ITGB1: variants seen among roughly 807,000 people sequenced by gnomAD.
ITGB1 encodes the protein integrin beta-1.
Under a neutral mutation model 86.5 loss-of-function variants are expected in ITGB1, and 24 were observed. The ratio of observed to expected loss-of-function variants is 0.28; its 90% CI spans 0.20 to 0.39. The LOEUF (loss-of-function observed/expected upper bound fraction) is 0.39. Among genes scored for constraint, ITGB1 ranks in the 10% least tolerant of loss-of-function variants. ITGB1 has a pLI of 1.00. For missense variants in ITGB1, 556 were observed against 946.9 expected, an observed-to-expected ratio of 0.59 and a Z score of 5.42; for synonymous variants, 323 against 316.8, an observed-to-expected ratio of 1.02 and a Z score of -0.21.
intron 1 of ITGB1, among the ~76,000 whole-genome samples, chr10:32,948,932 A>G (rs995254175): frequency 4.2e-5 from 6 of 143,060 alleles, no homozygotes; most frequent in African/African-American, 1.2e-4. Flanking sequence ...AACTAGCAAT[A>G]TGATTTCGTT....
At chr10:32,904,286 AAAAAAAC>A (rs2094890389) in intron 15 of ITGB1, among the ~76,000 whole-genome samples, 1 of 152,160 alleles carries the variant, frequency 6.6e-6, no homozygotes, top group African/African-American at 2.4e-5. Flanking sequence ...ACCCCACCCC[AAAAAAAC>A]CCGCAGCAAG....
intron 2 of ITGB1, chr10:32,932,801 C>T (rs1231566438): frequency 6.5e-6 from 3 of 460,690 alleles, no homozygotes; most frequent in Non-Finnish European, 1.2e-5. Flanking sequence ...TAGGTGTATA[C>T]ATGTATGGGG....
At chr10:32,909,505 C>T (rs762599781) in intron 14 of ITGB1, among the ~76,000 whole-genome samples, 68 of 152,166 alleles carry the variant, frequency 4.5e-4, no homozygotes, top group African/African-American at 1.4e-3. Context: ...AAAATTAAAA[C>T]CTGTGGTGTT....
At chr10:32,930,379 T>TA (rs998317176) in intron 3 of ITGB1, among the ~76,000 whole-genome samples, 5 of 152,158 alleles carry the variant, frequency 3.3e-5, no homozygotes, top group African/African-American at 1.2e-4. Context: ...AATGTATACA[T>TA]ACACCCAAAT....
chr10:32,928,297 GCCT>G, intron 4 of ITGB1, 33 bp from the exon 5 acceptor site: 1 of 796,522 alleles, frequency 1.3e-6, no homozygotes, highest in South Asian at 1.6e-5. Flanking sequence ...AATGAAACTT[GCCT>G]GTTGGCAATC....
intron 14 of ITGB1, among the ~76,000 whole-genome samples, chr10:32,909,703 A>G (rs12220520): frequency 0.14 from 20,553 of 152,072 alleles, 1,677 homozygotes; most frequent in East Asian, 0.25. Context: ...GAGAAATGAA[A>G]GCTTATGTTC....
chr10:32,910,306 T>C lies in ITGB1; in HGVS notation c.2081A>G (p.Lys694Arg), dbSNP rs781620722. The change falls in exon 14 of 16, where the codon AAG (lysine) becomes AGG (arginine). Residue 694 changes from lysine to arginine, a missense_variant. This residue lies in a region of ITGB1 where 330 missense variants were observed against 531.5 expected (regional missense o/e 0.62). Transcript: ENST00000302278. ...QPDPVSHCKEKDVDDCWFYFT... is the reference protein window; with the variant it reads ...QPDPVSHCKERDVDDCWFYFT... ...ATAGAACCAACAGTCGTCAACATCC[T>C]TCTCCTTACAATGGGACACAGGATC... is the stretch of plus-strand genomic sequence containing the variant. The C allele has an allele frequency of 6.2e-7, 1 of 1,605,870 alleles. No individual in the cohort carries two copies. The highest frequency in any genetic ancestry group is 2.2e-5 in the East Asian group (1 of 44,812).
chr10:32,943,652 G>A (rs536823103), intron 1 of ITGB1, among the ~76,000 whole-genome samples: 1 of 152,232 alleles, frequency 6.6e-6, no homozygotes, highest in African/African-American at 2.4e-5. Context: ...TCAGAGACAG[G>A]CAGTCTTGGG....
chr10:32,938,207 C>G (rs2095008802), intron 1 of ITGB1, among the ~76,000 whole-genome samples: 1 of 152,200 alleles, frequency 6.6e-6, no homozygotes, highest in Admixed American at 6.5e-5. Context: ...GACTATAATT[C>G]TAAGCAAGTC....
In ITGB1 at chr10:32,944,886, C is replaced by T. The variant is rs111800362; in HGVS notation, c.1-9328G>A. ...CAGCATGAGGATGATAAACCAGAGA[C>T]GGTTATCAAAAGACTAAAGGCTTAT... is the stretch of plus-strand genomic sequence containing the variant. On this transcript the variant is annotated intron_variant, in intron 1 of 15. Transcript: ENST00000302278. 1.1e-4 allele frequency: 144 copies of T among 1,337,706 alleles called. 2 individuals are homozygous for T. Among genetic ancestry groups the T allele is most frequent in the Admixed American group, 8.1e-4 (47 of 57,848 alleles). The allele number at this position is 1,337,706 out of a possible 1,614,324, so 82.9% of individuals were successfully genotyped here.
chr10:32,922,490 A>T, intron 8 of ITGB1, 144 bp from the exon 9 acceptor site: 1 of 753,034 alleles, frequency 1.3e-6, no homozygotes, highest in Non-Finnish European at 2.2e-6. Context: ...AACCAGTTTT[A>T]TAATATGTGA....
intron 1 of ITGB1, among the ~76,000 whole-genome samples, chr10:32,954,455 T>TC (rs1400801822): frequency 6.6e-6 from 1 of 152,162 alleles, no homozygotes; most frequent in Non-Finnish European, 1.5e-5. Flanking sequence ...TTCTGACCAC[T>TC]CACCTTTATC....
intron 15 of ITGB1, among the ~76,000 whole-genome samples, 171 bp from the exon 16 acceptor site, chr10:32,901,806 T>C (rs1431513814): frequency 2.0e-5 from 3 of 152,216 alleles, no homozygotes; most frequent in Non-Finnish European, 2.9e-5. Context: ...TATATAAAAA[T>C]AGAAAATGGA....
intron 15 of ITGB1, chr10:32,906,916 G>T (rs554327394): frequency 8.8e-6 from 4 of 455,346 alleles, no homozygotes; most frequent in Admixed American, 3.2e-5. Context: ...TTCTAAACGC[G>T]AAGTTAACAT....
chr10:32,911,712 C>A, intron 12 of ITGB1, 42 bp from the exon 13 acceptor site: 1 of 1,592,128 alleles, frequency 6.3e-7, no homozygotes. Flanking sequence ...TAAAAATATA[C>A]AATCACAGTA....
At chr10:32,943,649 C>T (rs566166063) in intron 1 of ITGB1, among the ~76,000 whole-genome samples, 1 of 152,188 alleles carries the variant, frequency 6.6e-6, no homozygotes, top group East Asian at 1.9e-4. Context: ...ATTTCAGAGA[C>T]AGGCAGTCTT....
At chr10:32,952,576 AG>A (rs1431735282) in intron 1 of ITGB1, among the ~76,000 whole-genome samples, 4 of 152,234 alleles carry the variant, frequency 2.6e-5, no homozygotes, top group African/African-American at 9.6e-5. Context: ...CTAATTTCAT[AG>A]ATTACGAAAG....
chr10:32,924,909 C>T (rs2503996), intron 6 of ITGB1, among the ~76,000 whole-genome samples: 71,666 of 152,148 alleles, frequency 0.47, 19,391 homozygotes, highest in Non-Finnish European at 0.61. Context: ...TAGATACTAT[C>T]ATGATCCCTT....
At chr10:32,931,327 C>T (rs2094982780) in intron 3 of ITGB1, among the ~76,000 whole-genome samples, 1 of 152,102 alleles carries the variant, frequency 6.6e-6, no homozygotes, top group Non-Finnish European at 1.5e-5. Context: ...TGCTCCAAAG[C>T]TCAAAGGCTA....
Sources: allele counts gnomAD v4.1 joint callset (sites outside exome capture counted in the v4.1 genomes callset), GRCh38; gene constraint gnomAD v4.1.1; regional missense constraint gnomAD v4.1.1; transcripts MANE v1.5; gene names NCBI Gene and HGNC (gene_info 2026-07-23, HGNC 2026-07-21).